The following MCTP1 variants were observed in gnomAD, a reference collection of about 807,000 sequenced individuals.
MCTP1 encodes the protein multiple C2 and transmembrane domain containing 1, also known as multiple C2 and transmembrane domain-containing protein 1.
Under a neutral mutation model 120.6 loss-of-function variants are expected in MCTP1, and 69 were observed. The observed-to-expected ratio is 0.57, with a 90% CI of 0.47 to 0.70. MCTP1 has a LOEUF of 0.70. Ranked by LOEUF, MCTP1 falls within the 30% of genes least tolerant of loss-of-function variation. The pLI is 0.00. For synonymous variants in MCTP1, 529 were observed against 493.1 expected (o/e 1.07, Z -0.96); for missense variants, 1,203 against 1,248.8 (o/e 0.96, Z 0.55).
chr5:94,735,328 GGTTTTT>G (rs141323099), intron 19 of MCTP1, among the ~76,000 whole-genome samples: 8,550 of 152,130 alleles, frequency 0.056, 351 homozygotes, highest in East Asian at 0.17. Context: ...CTACATTTTT[GGTTTTT>G]GTTTTTGAGA....
At chr5:94,741,660 ATAAT>A (rs777916194) in intron 19 of MCTP1, among the ~76,000 whole-genome samples, 1 of 152,358 alleles carries the variant, frequency 6.6e-6, no homozygotes, top group African/African-American at 2.4e-5. Context: ...TGCTTTAGTA[ATAAT>A]TAAATAATAG....
chr5:95,042,722 G>A (rs1004074262), intron 1 of MCTP1, among the ~76,000 whole-genome samples: 2 of 152,168 alleles, frequency 1.3e-5, no homozygotes, highest in African/African-American at 4.8e-5. Context: ...TACAGCTATA[G>A]GAATGAACAT....
rs61324420 is a variant in MCTP1, at chr5:94,826,772, C to CTTTTTTTTTTTTTTTTT, written c.2437-27657_2437-27641dup. 55 of 42,884 alleles carry CTTTTTTTTTTTTTTTTT rather than the reference C, an allele frequency of 1.3e-3. 6 individuals are homozygous for CTTTTTTTTTTTTTTTTT. The highest frequency in any genetic ancestry group is 3.1e-3 in the African/African-American group (19 of 6,118). The allele number at this position is 42,884 out of a possible 1,614,324, so 2.7% of individuals were successfully genotyped here. Reference sequence around the variant, plus strand: ...TCAGAGAGTAGGGTTGTGACCCCTGCTTTTTTTTTTTTTTTTTTTTTTTTT... The same window carrying CTTTTTTTTTTTTTTTTT: ...TCAGAGAGTAGGGTTGTGACCCCTGCTTTTTTTTTTTTTTTTTTTTTTTTTTTTTTTTTTTTTTTTTT... On this transcript the variant is annotated intron_variant, in intron 17 of 22. Transcript: ENST00000515393.
At chr5:95,256,730 A>AG (rs1757933275) in intron 1 of MCTP1, among the ~76,000 whole-genome samples, 1 of 152,128 alleles carries the variant, frequency 6.6e-6, no homozygotes, top group South Asian at 2.1e-4. Context: ...AGCTAAAAAA[A>AG]AGAGAGAGAG....
At chr5:94,816,866 G>A (rs968580215) in intron 17 of MCTP1, among the ~76,000 whole-genome samples, 3 of 152,138 alleles carry the variant, frequency 2.0e-5, no homozygotes, top group Admixed American at 6.5e-5. Flanking sequence ...GTATACTTAA[G>A]GGTATTATTT....
intron 2 of MCTP1, among the ~76,000 whole-genome samples, chr5:94,995,157 GCTGA>G (rs1050224080): frequency 2.0e-5 from 3 of 152,058 alleles, no homozygotes; most frequent in Admixed American, 6.6e-5. Flanking sequence ...TCTAGAGAAC[GCTGA>G]CTAAGACGGG....
chr5:94,932,067 A>G (rs1054778236), intron 5 of MCTP1, 76 bp from the exon 6 acceptor site: 11 of 1,016,244 alleles, frequency 1.1e-5, no homozygotes, highest in Non-Finnish European at 1.7e-5. Flanking sequence ...TTTTTAGCGG[A>G]AACATTTATT....
intron 1 of MCTP1, among the ~76,000 whole-genome samples, chr5:95,230,184 ATGTG>A (rs916006539): frequency 3.6e-5 from 4 of 112,456 alleles, no homozygotes; most frequent in Non-Finnish European, 8.3e-5. Flanking sequence ...ACATACATAT[ATGTG>A]TGTGTGTATA....
chr5:95,164,311 G>A (rs954585297), intron 1 of MCTP1, among the ~76,000 whole-genome samples: 1 of 151,940 alleles, frequency 6.6e-6, no homozygotes, highest in Non-Finnish European at 1.5e-5. Flanking sequence ...AAAAAAAAAG[G>A]TTTACAAGCA....
chr5:94,725,608 G>C (rs755669624), intron 19 of MCTP1, among the ~76,000 whole-genome samples: 5 of 152,204 alleles, frequency 3.3e-5, no homozygotes, highest in Non-Finnish European at 5.9e-5. Context: ...GCAGAGCTGA[G>C]AAGGCAGTTG....
At position 95,284,047 on chromosome 5, in the gene MCTP1, C is replaced by G; in HGVS notation, c.529G>C (p.Asp177His). 1 of 1,522,828 alleles carries G rather than the reference C, an allele frequency of 6.6e-7. No individual in the cohort carries two copies. The highest frequency in any genetic ancestry group is 8.8e-7 in the Non-Finnish European group (1 of 1,136,774). 94.3% of individuals were successfully genotyped at this position (1,522,828 alleles called of 1,614,324 possible). A position where few individuals can be genotyped will look rare whatever the true frequency, so the allele number is the denominator to read the frequency against. ...CGTGCACCCTCATCTCGGGCGCGGT[C>G]CCCCCTCGGGGGAGGCTGGGGCGAG... ...SSSPQPPPRGDRARDEGARRQ... is the reference protein window; with the variant it reads ...SSSPQPPPRGHRARDEGARRQ... The change falls in exon 1 of 23, where the codon GAC becomes CAC. Residue 177 changes from aspartate to histidine, a missense_variant. Around this residue, in one of 2 missense-constraint regions of MCTP1, gnomAD observed 463 missense variants for 377.8 expected, o/e 1.23. Transcript: ENST00000515393. The surrounding 1 kb of genome is among the most constrained non-coding windows in gnomAD (Gnocchi z 5.2).
intron 17 of MCTP1, among the ~76,000 whole-genome samples, chr5:94,834,978 A>G (rs1023041683): frequency 6.6e-6 from 1 of 151,950 alleles, no homozygotes; most frequent in African/African-American, 2.4e-5. Flanking sequence ...GTGTGCCACC[A>G]CGCCCAGCTA....
intron 19 of MCTP1, among the ~76,000 whole-genome samples, chr5:94,748,753 C>A (rs1391952211): frequency 6.6e-6 from 1 of 152,224 alleles, no homozygotes; most frequent in Non-Finnish European, 1.5e-5. Flanking sequence ...AAAAGACTTT[C>A]TTGAGCCAGA....
intron 2 of MCTP1, among the ~76,000 whole-genome samples, chr5:94,986,173 C>T (rs1321453527): frequency 6.6e-6 from 1 of 152,040 alleles, no homozygotes; most frequent in Non-Finnish European, 1.5e-5. Flanking sequence ...GGTCTGTCAA[C>T]CTCTAATAAA....
chr5:94,720,125 C>CA (rs1267763533), intron 19 of MCTP1, among the ~76,000 whole-genome samples: 3 of 148,042 alleles, frequency 2.0e-5, no homozygotes, highest in Admixed American at 6.8e-5. Flanking sequence ...AAACTCCTCT[C>CA]AAAAAAAATA....
chr5:94,788,713 T>C (rs2152976648), intron 18 of MCTP1: 1 of 147,342 alleles, frequency 6.8e-6, no homozygotes, highest in Middle Eastern at 3.4e-3. Context: ...AGTTTGGCTC[T>C]CTGCCAAGAG....
intron 10 of MCTP1, among the ~76,000 whole-genome samples, chr5:94,904,402 A>G (rs562615038): frequency 1.1e-4 from 16 of 152,338 alleles, no homozygotes; most frequent in Admixed American, 1.0e-3. Flanking sequence ...GCTAATGTGT[A>G]TAATAGGGCC....
At chr5:94,870,381 T>C (rs41276247) in intron 16 of MCTP1, 36 bp downstream of exon 16, 10 of 1,363,340 alleles carry the variant, frequency 7.3e-6, no homozygotes, top group Non-Finnish European at 1.0e-5. Context: ...TATAATCAGG[T>C]CTTCCCAGAG....
chr5:94,896,372 G>A (rs1299809806), intron 10 of MCTP1, among the ~76,000 whole-genome samples: 1 of 151,996 alleles, frequency 6.6e-6, no homozygotes, highest in Admixed American at 6.6e-5. Context: ...AATATTTTTG[G>A]TTGGGTACAG....
Sources: allele counts gnomAD v4.1 joint callset (sites outside exome capture counted in the v4.1 genomes callset), GRCh38; gene constraint gnomAD v4.1.1; regional missense constraint gnomAD v4.1.1; non-coding constraint Gnocchi (gnomAD v3.1); transcripts MANE v1.5; gene names NCBI Gene and HGNC (gene_info 2026-07-23, HGNC 2026-07-21).